The following TBCK variants were observed in gnomAD, a reference collection of about 807,000 sequenced individuals.
TBCK encodes the protein TBC domain-containing protein kinase-like protein.
In TBCK, 99 loss-of-function variants were observed where a neutral mutation model predicts 113.4. That is an observed-to-expected ratio of 0.87 (90% confidence interval 0.74 to 1.03). TBCK has a LOEUF of 1.03. Among genes scored for constraint, TBCK ranks in the 50% least tolerant of loss-of-function variants. TBCK has a pLI of 0.00. For synonymous variants in TBCK, 369 were observed against 370.8 expected (o/e 1.00, Z 0.05); for missense variants, 1,045 against 1,061.3 (o/e 0.98, Z 0.21).
chr4:106,176,153 C>A (rs10025725), intron 22 of TBCK, among the ~76,000 whole-genome samples: 1 of 151,990 alleles, frequency 6.6e-6, no homozygotes, highest in Non-Finnish European at 1.5e-5. Flanking sequence ...TCTACCAATT[C>A]GAATATTTAT....
chr4:106,116,450 T>C, intron 23 of TBCK, 72 bp from the exon 24 acceptor site: 1 of 1,211,260 alleles, frequency 8.3e-7, no homozygotes, highest in Non-Finnish European at 1.2e-6. Context: ...AGTAATAGAA[T>C]ATCTTGATAC....
intron 25 of TBCK, among the ~76,000 whole-genome samples, chr4:106,052,665 T>C (rs927887912): frequency 5.6e-4 from 85 of 151,732 alleles, no homozygotes; most frequent in African/African-American, 2.0e-3. Flanking sequence ...GCTAACTCAA[T>C]GCATTTTCAT....
chr4:106,105,329 C>T (rs1481946804), intron 24 of TBCK, among the ~76,000 whole-genome samples: 1 of 152,186 alleles, frequency 6.6e-6, no homozygotes, highest in Non-Finnish European at 1.5e-5. Flanking sequence ...GGGCGGAGCC[C>T]CCAGGAGTCA....
chr4:106,309,283 A>T (rs1341348817), intron 1 of TBCK, among the ~76,000 whole-genome samples: 1 of 146,486 alleles, frequency 6.8e-6, no homozygotes, highest in South Asian at 2.2e-4. Context: ...CTGCATCTTC[A>T]TATTATTAAT....
chr4:106,147,155 C>G (rs1373339240), intron 23 of TBCK, among the ~76,000 whole-genome samples: 1 of 152,164 alleles, frequency 6.6e-6, no homozygotes, highest in African/African-American at 2.4e-5. Flanking sequence ...TTGAACTCCT[C>G]AAAGTTATCA....
intron 25 of TBCK, among the ~76,000 whole-genome samples, chr4:106,069,381 G>A (rs1053320482): frequency 3.9e-5 from 6 of 152,246 alleles, no homozygotes; most frequent in African/African-American, 1.4e-4. Context: ...AGTTTTCCCA[G>A]CATCATTTAT....
At chr4:106,298,160 C>T (rs1353721252) in intron 2 of TBCK, among the ~76,000 whole-genome samples, 1 of 152,104 alleles carries the variant, frequency 6.6e-6, no homozygotes, top group East Asian at 1.9e-4. Flanking sequence ...TTTGGTCCAG[C>T]CAGCATCATC....
intron 23 of TBCK, among the ~76,000 whole-genome samples, chr4:106,146,542 C>T (rs1032127979): frequency 2.0e-5 from 3 of 152,122 alleles, no homozygotes; most frequent in Non-Finnish European, 2.9e-5. Flanking sequence ...CCCTGTGACA[C>T]GTGTTTATCT....
chr4:106,077,754 C>T (rs1738380234), intron 25 of TBCK, among the ~76,000 whole-genome samples: 1 of 152,132 alleles, frequency 6.6e-6, no homozygotes, highest in South Asian at 2.1e-4. Flanking sequence ...ATCATCAAGG[C>T]AGAAAACTAA....
At chr4:106,221,884 G>A (rs1456755989) in intron 19 of TBCK, among the ~76,000 whole-genome samples, 1 of 152,006 alleles carries the variant, frequency 6.6e-6, no homozygotes, top group Non-Finnish European at 1.5e-5. Context: ...TTACCTGGGT[G>A]ATGAAATAAT....
At chr4:106,126,044 C>T (rs1440591254) in intron 23 of TBCK, among the ~76,000 whole-genome samples, 1 of 152,198 alleles carries the variant, frequency 6.6e-6, no homozygotes, top group Admixed American at 6.5e-5. Flanking sequence ...GTCCCTTATG[C>T]TTTAGCATTA....
At chr4:106,304,837 A>G (rs2125881535) in intron 2 of TBCK, among the ~76,000 whole-genome samples, 1 of 152,356 alleles carries the variant, frequency 6.6e-6, no homozygotes, top group African/African-American at 2.4e-5. Flanking sequence ...TACACTAGGA[A>G]GAGGAAAATG....
At chr4:106,162,787 T>C (rs1749946040) in intron 23 of TBCK, among the ~76,000 whole-genome samples, 1 of 152,056 alleles carries the variant, frequency 6.6e-6, no homozygotes, top group African/African-American at 2.4e-5. Flanking sequence ...CTGCACAGAA[T>C]AGCAGCAGCC....
At chr4:106,102,397 T>C (rs749088784) in intron 24 of TBCK, among the ~76,000 whole-genome samples, 23 of 152,164 alleles carry the variant, frequency 1.5e-4, no homozygotes, top group Non-Finnish European at 2.8e-4. Flanking sequence ...ACTGAGACTA[T>C]TCATAACACA....
chr4:106,095,022 G>A (rs1302755737), intron 25 of TBCK, among the ~76,000 whole-genome samples: 1 of 152,140 alleles, frequency 6.6e-6, no homozygotes, highest in African/African-American at 2.4e-5. Context: ...ATGGAAGAAG[G>A]AAGCCATTTT....
chr4:106,059,464 T>C (rs1735793728), intron 25 of TBCK, among the ~76,000 whole-genome samples: 1 of 151,656 alleles, frequency 6.6e-6, no homozygotes, highest in African/African-American at 2.4e-5. Flanking sequence ...ATATCTGTTA[T>C]GATGATCTGT....
chr4:106,190,973 A>G (rs1753601131), intron 22 of TBCK, among the ~76,000 whole-genome samples: 1 of 152,156 alleles, frequency 6.6e-6, no homozygotes. Context: ...AGAACTTTTA[A>G]GTACATACAA....
In TBCK at chr4:106,042,305, G is replaced by T. The variant is rs1733914275; in HGVS notation, c.*4265C>A. The T allele has an allele frequency of 6.6e-6, 1 of 152,148 alleles. No individual in the cohort carries two copies. The highest frequency in any genetic ancestry group is 2.4e-5 in the African/African-American group (1 of 41,442). 9.4% of individuals were successfully genotyped at this position (152,148 alleles called of 1,614,324 possible). A position where few individuals can be genotyped will look rare whatever the true frequency, so the allele number is the denominator to read the frequency against. On this transcript the variant is annotated 3_prime_UTR_variant, in exon 26 of 26. Coordinates refer to ENST00000394708, the MANE Select transcript of TBCK (RefSeq NM_001163435.3). The stretch of plus-strand genomic sequence containing the variant: ...TGCCAACCCTTTCTATATAGTCAAG[G>T]CAGCAGTCTTCTCTCCTTGTAGTGG...
intron 3 of TBCK, among the ~76,000 whole-genome samples, chr4:106,263,236 A>G (rs2150104666): frequency 6.6e-6 from 1 of 152,018 alleles, no homozygotes. Flanking sequence ...ACTAAACATA[A>G]TTTTTAAAAC....
Sources: allele counts gnomAD v4.1 joint callset (sites outside exome capture counted in the v4.1 genomes callset), GRCh38; gene constraint gnomAD v4.1.1; transcripts MANE v1.5; gene names NCBI Gene and HGNC (gene_info 2026-07-23, HGNC 2026-07-21).